Variants in FGF14 observed in about 807,000 individuals in gnomAD.
FGF14 encodes fibroblast growth factor 14, also known as fibroblast growth factor homologous factor 4.
In FGF14, 5 loss-of-function variants were observed where a neutral mutation model predicts 25.5. That is an observed-to-expected ratio of 0.20 (90% CI 0.10 to 0.41). FGF14 has a LOEUF of 0.41. FGF14 is among the 10% of genes least tolerant of loss of function. The probability of loss-of-function intolerance (pLI) is 1.00; values close to 1 mark genes in which losing one functional copy is unlikely to be tolerated. For missense variants in FGF14, 222 were observed against 320.1 expected (o/e 0.69, Z 2.34); for synonymous variants, 138 against 118.3 (o/e 1.17, Z -1.08).
chr13:102,253,728 T>TC (rs2052312971), intron 1 of FGF14, among the ~76,000 whole-genome samples: 4 of 151,886 alleles, frequency 2.6e-5, no homozygotes. Flanking sequence ...TGGGTTTTTT[T>TC]CCCCCACATA....
At chr13:102,227,618 T>C (rs954209498) in intron 1 of FGF14, among the ~76,000 whole-genome samples, 3 of 152,192 alleles carry the variant, frequency 2.0e-5, no homozygotes, top group Admixed American at 1.3e-4. Context: ...GCAACGTCAG[T>C]CATACATCTT....
At chr13:102,206,128 A>AACACAC (rs59340568) in intron 1 of FGF14, among the ~76,000 whole-genome samples, 41,219 of 146,936 alleles carry the variant, frequency 0.28, 5,782 homozygotes, top group East Asian at 0.31. Flanking sequence ...TCAACCTTCA[A>AACACAC]ACACACACAC....
At chr13:102,294,668 C>T (rs2054605420) in intron 1 of FGF14, among the ~76,000 whole-genome samples, 1 of 152,130 alleles carries the variant, frequency 6.6e-6, no homozygotes, top group Non-Finnish European at 1.5e-5. Context: ...CCCCTCCTTT[C>T]TTATTTCCAC....
intron 1 of FGF14, among the ~76,000 whole-genome samples, chr13:102,071,705 T>C (rs567197304): frequency 9.2e-5 from 14 of 152,174 alleles, no homozygotes; most frequent in Admixed American, 6.5e-4. Context: ...TACAGACACA[T>C]CCTATCTTTC....
chr13:101,898,341 A>AACACACACACACAC lies in FGF14; in HGVS notation c.193+18098_193+18111dup, dbSNP rs55676818. On this transcript the variant is annotated intron_variant, in intron 1 of 4. Transcript: ENST00000376143. ...ACCTGTATAAAGGCATGAAACATAC[A>AACACACACACACAC]ACACACACACACACACACACACACA... is the stretch of plus-strand genomic sequence containing the variant. Among the ~76,000 whole-genome samples the AACACACACACACAC allele has an allele frequency of 3.7e-3, 537 of 144,466 alleles. 3 individuals carry two copies. The highest frequency in any genetic ancestry group is 0.011 in the African/African-American group (443 of 38,538). The allele number at this position is 144,466 out of a possible 152,430, so 94.8% of individuals were successfully genotyped here.
chr13:101,824,475 C>T (rs929259219), intron 3 of FGF14, among the ~76,000 whole-genome samples: 1 of 152,072 alleles, frequency 6.6e-6, no homozygotes, highest in East Asian at 1.9e-4. Context: ...GATGATGTCT[C>T]TATTTTTGTT....
In FGF14 at chr13:101,721,648, A is replaced by ATAT. The variant is rs1410027826; in HGVS notation, c.*1180_*1182dup. The ATAT allele has an allele frequency of 1.3e-5, 2 of 152,040 alleles. No homozygotes were observed. Among genetic ancestry groups the ATAT allele is most frequent in the African/African-American group, 4.8e-5 (2 of 41,360 alleles). The allele number at this position is 152,040 out of a possible 1,614,324, so 9.4% of individuals were successfully genotyped here. On this transcript the variant is annotated 3_prime_UTR_variant, in exon 5 of 5. Transcript: ENST00000376143. ...AAAAACTTGTCATTAAACACCAAAA[A>ATAT]TATTAAAGTCTAATTAATTTATAAC...
intron 4 of FGF14, among the ~76,000 whole-genome samples, chr13:101,723,516 A>ACTCT (rs1359804801): frequency 6.6e-6 from 1 of 151,630 alleles, no homozygotes; most frequent in Admixed American, 6.6e-5. Context: ...ATAACAAATA[A>ACTCT]CTCTCTTCCC....
chr13:102,071,973 T>TA (rs2043173554), intron 1 of FGF14, among the ~76,000 whole-genome samples: 1 of 151,906 alleles, frequency 6.6e-6, no homozygotes, highest in African/African-American at 2.4e-5. Flanking sequence ...CCCCAGCATA[T>TA]AAAAAAGTAA....
chr13:102,255,480 T>A (rs904938684), intron 1 of FGF14, among the ~76,000 whole-genome samples: 1 of 152,174 alleles, frequency 6.6e-6, no homozygotes, highest in Non-Finnish European at 1.5e-5. Context: ...TTTAAAGGAA[T>A]AAATAAGATT....
intron 1 of FGF14, among the ~76,000 whole-genome samples, chr13:102,132,363 C>CA (rs2046235532): frequency 6.6e-6 from 1 of 152,144 alleles, no homozygotes; most frequent in Admixed American, 6.5e-5. Context: ...CATATTGGTA[C>CA]ATTTTAAGAC....
chr13:101,889,660 G>A (rs1461979758), intron 1 of FGF14, among the ~76,000 whole-genome samples: 1 of 152,130 alleles, frequency 6.6e-6, no homozygotes, highest in Non-Finnish European at 1.5e-5. Context: ...AAGAGCAAGG[G>A]AACTTCACGA....
rs536183634 is a variant in FGF14, at chr13:101,956,459, A to G, written c.209-81163T>C. Among the ~76,000 whole-genome samples, 3 of 152,158 alleles carry G rather than the reference A, an allele frequency of 2.0e-5. No individual in the cohort carries two copies. In the South Asian group the frequency reaches 6.2e-4, roughly 32 times the overall value. On this transcript the variant is annotated intron_variant, in intron 1 of 4. Coordinates refer to the FGF14 transcript ENST00000376131. ...GGAAATGATCATTCCATGAGGTGAA[A>G]TATACAAGGCCTGGAATGTATCGGG...
intron 1 of FGF14, among the ~76,000 whole-genome samples, chr13:102,330,955 G>C (rs140508216): frequency 4.6e-5 from 7 of 152,272 alleles, no homozygotes; most frequent in African/African-American, 1.4e-4. Flanking sequence ...ATTAATGAAT[G>C]GATGTGAGAG....
intron 3 of FGF14, among the ~76,000 whole-genome samples, chr13:101,825,588 C>T (rs7320793): frequency 9.2e-5 from 14 of 151,958 alleles, no homozygotes; most frequent in Non-Finnish European, 1.5e-4. Flanking sequence ...CTATAGTTAG[C>T]GTTACAGAAA....
intron 1 of FGF14, among the ~76,000 whole-genome samples, chr13:102,214,924 A>G (rs1199246315): frequency 2.0e-5 from 3 of 152,160 alleles, no homozygotes; most frequent in Non-Finnish European, 2.9e-5. Context: ...CATATTTGGT[A>G]TGGAAAGGCC....
intron 1 of FGF14, among the ~76,000 whole-genome samples, chr13:102,280,727 T>C (rs2053788562): frequency 6.6e-6 from 1 of 152,050 alleles, no homozygotes; most frequent in Non-Finnish European, 1.5e-5. Context: ...GATAAAGAAA[T>C]AAGAACAGCT....
intron 1 of FGF14, among the ~76,000 whole-genome samples, chr13:102,252,718 G>A (rs752561254): frequency 8.6e-5 from 13 of 151,286 alleles, no homozygotes; most frequent in Non-Finnish European, 1.6e-4. Context: ...TGCTCAGAAC[G>A]TGCAGGTTTG....
intron 1 of FGF14, among the ~76,000 whole-genome samples, chr13:102,162,599 G>A (rs969264206): frequency 6.6e-6 from 1 of 152,130 alleles, no homozygotes; most frequent in Non-Finnish European, 1.5e-5. Flanking sequence ...TGCATTACTA[G>A]GCAGACGTCC....
Sources: allele counts gnomAD v4.1 joint callset (sites outside exome capture counted in the v4.1 genomes callset), GRCh38; gene constraint gnomAD v4.1.1; transcripts MANE v1.5; gene names NCBI Gene and HGNC (gene_info 2026-07-23, HGNC 2026-07-21).